FCHO2: variants seen among roughly 807,000 people sequenced by gnomAD.
The protein encoded by FCHO2 is F-BAR domain only protein 2.
FCHO2 carries 43 observed loss-of-function variants against 114.1 expected under a neutral mutation model. The observed-to-expected ratio is 0.38, with a 90% CI of 0.30 to 0.49. FCHO2 has a LOEUF of 0.49. Ranked by LOEUF, FCHO2 falls within the 20% of genes least tolerant of loss-of-function variation. The probability of loss-of-function intolerance (pLI) is 0.97; values close to 1 mark genes in which losing one functional copy is unlikely to be tolerated. For missense variants in FCHO2, 807 were observed against 950.4 expected, an observed-to-expected ratio of 0.85 and a Z score of 1.98; for synonymous variants, 293 against 315.2, an observed-to-expected ratio of 0.93 and a Z score of 0.75.
chr5:73,016,329 T>G (rs258891), intron 7 of FCHO2, among the ~76,000 whole-genome samples: 1,177 of 80,760 alleles, frequency 0.015, 13 homozygotes, highest in African/African-American at 0.03. Context: ...TATTAAAAAA[T>G]ATTTTAAATT....
intron 19 of FCHO2, among the ~76,000 whole-genome samples, chr5:73,069,649 T>G (rs1294661176): frequency 6.6e-6 from 1 of 150,790 alleles, no homozygotes; most frequent in Non-Finnish European, 1.5e-5. Flanking sequence ...TAAATACAGA[T>G]GACATTCACA....
rs1247693577 is a variant in FCHO2, at chr5:73,068,672, T to TAACTTCCAACACCAGCCCACCTCCTGC, written c.1473_1499dup (p.Thr492_Ala500dup). On this transcript the variant is annotated inframe_insertion, in exon 19 of 26. Coordinates refer to ENST00000430046, the MANE Select transcript of FCHO2 (RefSeq NM_138782.3). ...AAGCCCAGGCCATTCAGCCCACCTG[T>TAACTTCCAACACCAGCCCACCTCCTGC]AACTTCCAACACCAGCCCACCTCCT... 1 of 1,611,848 alleles carries TAACTTCCAACACCAGCCCACCTCCTGC rather than the reference T, an allele frequency of 6.2e-7. No individual in the cohort carries two copies. The highest frequency in any genetic ancestry group is 8.5e-7 in the Non-Finnish European group (1 of 1,178,680).
chr5:73,015,781 C>T (rs963802121), intron 7 of FCHO2, 57 bp downstream of exon 7: 117 of 1,041,288 alleles, frequency 1.1e-4, no homozygotes, highest in Middle Eastern at 1.0e-3. Flanking sequence ...ATTTATAGCT[C>T]TTTAAAAATA....
In FCHO2 at chr5:73,060,969, CTT is replaced by C. The variant is rs1757823007; in HGVS notation, c.1345+2447_1345+2448del. Reference sequence around the variant, plus strand: ...CTTTGTTAAGTGCCAATGTAGATTACTTTCTCTGCCTATGAATTAATTGAACT... The same window carrying C: ...CTTTGTTAAGTGCCAATGTAGATTACTCTCTGCCTATGAATTAATTGAACT... On this transcript the variant is annotated intron_variant, in intron 17 of 25. Coordinates refer to ENST00000430046, the MANE Select transcript of FCHO2 (RefSeq NM_138782.3). 2.0e-5 allele frequency among the ~76,000 whole-genome samples: 3 copies of C among 149,882 alleles called. No homozygotes were observed. The South Asian group carries it at 6.3e-4, about 31-fold the overall frequency.
intron 5 of FCHO2, among the ~76,000 whole-genome samples, chr5:73,001,975 T>G (rs781759135): frequency 2.0e-4 from 31 of 152,032 alleles, no homozygotes; most frequent in Non-Finnish European, 3.7e-4. Flanking sequence ...TCTTTCTTCA[T>G]GCTTTCAAAT....
At chr5:73,032,070 C>T (rs1756264847) in intron 8 of FCHO2, among the ~76,000 whole-genome samples, 1 of 152,170 alleles carries the variant, frequency 6.6e-6, no homozygotes, top group African/African-American at 2.4e-5. Flanking sequence ...ACTTGTGAAA[C>T]AGTTCAGAAG....
At chr5:73,065,034 A>G (rs1004341015) in intron 18 of FCHO2, among the ~76,000 whole-genome samples, 7 of 151,928 alleles carry the variant, frequency 4.6e-5, no homozygotes, top group Non-Finnish European at 8.8e-5. Flanking sequence ...AGTACTTTGC[A>G]TGATGCCTGT....
intron 6 of FCHO2, among the ~76,000 whole-genome samples, chr5:73,012,912 A>G (rs1408714441): frequency 6.6e-6 from 1 of 152,208 alleles, no homozygotes; most frequent in Non-Finnish European, 1.5e-5. Context: ...AGATATTTCT[A>G]AATAAATAAA....
At chr5:73,053,682 C>T (rs1431293349) in intron 13 of FCHO2, among the ~76,000 whole-genome samples, 1 of 139,740 alleles carries the variant, frequency 7.2e-6, no homozygotes, top group East Asian at 2.1e-4. Flanking sequence ...GGTGACAGAG[C>T]GAGACTTCGT....
chr5:73,029,228 C>A (rs1301824818), intron 8 of FCHO2, among the ~76,000 whole-genome samples: 1 of 152,050 alleles, frequency 6.6e-6, no homozygotes, highest in Non-Finnish European at 1.5e-5. Context: ...GCATGAGTAA[C>A]TGAAAGGATA....
rs1390829632 is a variant in FCHO2 at position 73,054,561 on chromosome 5, A to G, written c.1210+12A>G. The G allele has an allele frequency of 2.0e-6, 3 of 1,532,058 alleles. No individual in the cohort carries two copies. The highest frequency in any genetic ancestry group is 5.0e-5 in the East Asian group (2 of 40,098). 94.9% of individuals were successfully genotyped at this position (1,532,058 alleles called of 1,614,324 possible). ...TCGGAATTTGTCTAGTAAGTTTGACATTTGAATTGTTTATTTTATGTCTAT... is the reference window on the plus strand; with the variant it reads ...TCGGAATTTGTCTAGTAAGTTTGACGTTTGAATTGTTTATTTTATGTCTAT... On this transcript the variant is annotated intron_variant, in intron 15 of 25. Coordinates refer to ENST00000430046, the MANE Select transcript of FCHO2 (RefSeq NM_138782.3).
At position 73,023,938 on chromosome 5, in the gene FCHO2, T is replaced by C. The variant is rs971615071; in HGVS notation, c.796+6630T>C. 2.0e-5 allele frequency among the ~76,000 whole-genome samples: 3 copies of C among 152,350 alleles called. No individual in the cohort carries two copies. The South Asian group carries it at 6.2e-4, about 32-fold the overall frequency. ...TTCTCTATGAAGAACTCAACAAATA[T>C]ACAGTTATTATAAATTCCTTTCTGT... is the stretch of plus-strand genomic sequence containing the variant. On this transcript the variant is annotated intron_variant, in intron 8 of 25. Coordinates refer to ENST00000430046, the MANE Select transcript of FCHO2 (RefSeq NM_138782.3).
intron 1 of FCHO2, among the ~76,000 whole-genome samples, chr5:72,960,779 T>A (rs1438833702): frequency 6.6e-6 from 1 of 152,316 alleles, no homozygotes; most frequent in East Asian, 1.9e-4. Context: ...CAAATAAGTA[T>A]GTAAAACATA....
Position 72,975,429 on chromosome 5 carries a change from C to T in FCHO2, c.125+6840C>T, listed in dbSNP as rs138655136. The stretch of plus-strand genomic sequence containing the variant: ...GTAACTTCTGCCCCCTGGATTCAAG[C>T]GATTCTTGTGCCTCAGCCTCCCAAG... On this transcript the variant is annotated intron_variant, in intron 2 of 25. Transcript: ENST00000430046. Among the ~76,000 whole-genome samples the T allele has an allele frequency of 2.5e-3, 379 of 152,244 alleles. 2 individuals carry two copies. Among genetic ancestry groups the T allele is most frequent in the Admixed American group, 6.5e-3 (100 of 15,298 alleles).
In FCHO2 at chr5:72,956,888, C is replaced by A. The variant is rs768398416; in HGVS notation, c.33+759C>A. Among the ~76,000 whole-genome samples the A allele has an allele frequency of 4.9e-4, 74 of 151,312 alleles. 1 individual carries two copies. The highest frequency in any genetic ancestry group is 2.7e-3 in the East Asian group (14 of 5,180). On this transcript the variant is annotated intron_variant, in intron 1 of 25. Transcript: ENST00000430046. ...CGGCTCCCGGTGGAGTATTTTTCTGCAGTTATTGTTTTTTTTTTTGTAATG... is the reference window on the plus strand; with the variant it reads ...CGGCTCCCGGTGGAGTATTTTTCTGAAGTTATTGTTTTTTTTTTTGTAATG...
At chr5:72,968,737 C>CT in intron 2 of FCHO2, 148 bp downstream of exon 2, 1 of 597,682 alleles carries the variant, frequency 1.7e-6, no homozygotes, top group Non-Finnish European at 2.7e-6. Flanking sequence ...CTATTTGTAT[C>CT]TATCATCTAC....
rs2112901304 is a variant in FCHO2, at chr5:73,088,175, G to T, written c.*85G>T. The T allele has an allele frequency of 6.4e-7, 1 of 1,550,512 alleles. No homozygotes were observed. The highest frequency in any genetic ancestry group is 2.3e-5 in the East Asian group (1 of 43,438). ...TTCTTTCCAAACACTATTTTAACTT[G>T]TATGATGTCTTTCAAACTTAGACAT... On this transcript the variant is annotated 3_prime_UTR_variant, in exon 26 of 26. Coordinates refer to ENST00000430046, the MANE Select transcript of FCHO2 (RefSeq NM_138782.3).
rs544942394 is a variant in FCHO2, at chr5:72,963,267, G to A, written c.34-5231G>A. ...TGGTGGAGCCTTAAAACCAAGGGGA[G>A]TGAGTTTTCAGTTGGTTGAAGCAAC... On this transcript the variant is annotated intron_variant, in intron 1 of 25. Transcript: ENST00000430046. Among the ~76,000 whole-genome samples, 7 of 152,300 alleles carry A rather than the reference G, an allele frequency of 4.6e-5. 1 individual carries two copies. In the South Asian group the frequency reaches 1.2e-3, roughly 27 times the overall value.
chr5:72,992,687 TCCTGA>T (rs1753870340), intron 5 of FCHO2, among the ~76,000 whole-genome samples: 1 of 152,134 alleles, frequency 6.6e-6, no homozygotes, highest in South Asian at 2.1e-4. Flanking sequence ...AGAGACACAA[TCCTGA>T]CTTGAAATCA....
Sources: gnomAD v4.1 joint callset for allele counts (sites outside exome capture counted in the v4.1 genomes callset) on GRCh38, gnomAD v4.1.1 for gene constraint, MANE v1.5 for transcripts, NCBI Gene and HGNC (gene_info 2026-07-23, HGNC 2026-07-21) for gene names.